Variants in GNG2 observed in about 807,000 individuals in gnomAD.
GNG2 encodes guanine nucleotide-binding protein G(I)/G(S)/G(O) subunit gamma-2.
A neutral mutation model predicts 5.5 loss-of-function variants in GNG2; 5 were observed. The observed-to-expected ratio is 0.91, with a 90% confidence interval of 0.48 to 1.92. The LOEUF is 1.92. Ranked by LOEUF, GNG2 falls within the 30% of genes most tolerant of loss-of-function variation. The pLI, the probability that GNG2 is intolerant of heterozygous loss-of-function variation, is 0.01. For missense variants in GNG2, 55 were observed against 88.4 expected (o/e 0.62, Z 1.52); for synonymous variants, 28 against 32.0 (o/e 0.88, Z 0.42).
intron 1 of GNG2, among the ~76,000 whole-genome samples, chr14:51,869,104 T>C (rs1186780841): frequency 6.6e-6 from 1 of 152,226 alleles, no homozygotes; most frequent in Non-Finnish European, 1.5e-5. Context: ...CACTAACTAA[T>C]TTGAATAAGT....
At chr14:51,884,002 G>A (rs963206891) in intron 2 of GNG2, among the ~76,000 whole-genome samples, 58 of 151,988 alleles carry the variant, frequency 3.8e-4, no homozygotes, top group African/African-American at 1.4e-3. Context: ...AAAAATAAAA[G>A]CGTTTTTTTC....
intron 2 of GNG2, among the ~76,000 whole-genome samples, chr14:51,942,536 A>G (rs1888376491): frequency 1.6e-5 from 2 of 124,692 alleles, no homozygotes; most frequent in African/African-American, 5.9e-5. Flanking sequence ...GAGTCCCATT[A>G]GAATTTCTGA....
chr14:51,898,752 C>G (rs979821224), intron 2 of GNG2, among the ~76,000 whole-genome samples: 1 of 152,194 alleles, frequency 6.6e-6, no homozygotes, highest in Admixed American at 6.5e-5. Context: ...TAGGGAAGAG[C>G]TTCCCGGCCA....
rs1890029414 is a variant in GNG2, at chr14:51,968,177, T to G, written c.*1490T>G. 6.6e-6 allele frequency: 1 copy of G among 152,194 alleles called. No individual in the cohort carries two copies. Among genetic ancestry groups the G allele is most frequent in the Non-Finnish European group, 1.5e-5 (1 of 68,034 alleles). 9.4% of individuals were successfully genotyped at this position (152,194 alleles called of 1,614,324 possible). On this transcript the variant is annotated 3_prime_UTR_variant, in exon 4 of 4. Coordinates refer to ENST00000556766, the MANE Select transcript of GNG2 (RefSeq NM_053064.5). Reference sequence around the variant, plus strand: ...AAGATATGGTAGTGAGAGTAATTTTTCATTGTAGCTGTAGTCTCCATCAGT... The same window carrying G: ...AAGATATGGTAGTGAGAGTAATTTTGCATTGTAGCTGTAGTCTCCATCAGT...
intron 2 of GNG2, among the ~76,000 whole-genome samples, chr14:51,889,177 A>G (rs1167083967): frequency 7.1e-6 from 1 of 141,574 alleles, no homozygotes; most frequent in East Asian, 2.1e-4. Context: ...CATTGGAGCG[A>G]TCTCTGCTCA....
chr14:51,893,536 A>G (rs1303063960), intron 2 of GNG2, among the ~76,000 whole-genome samples: 3 of 151,780 alleles, frequency 2.0e-5, no homozygotes, highest in African/African-American at 7.3e-5. Flanking sequence ...CCAGCCCATC[A>G]TTTGTCTGTT....
intron 2 of GNG2, among the ~76,000 whole-genome samples, chr14:51,884,343 T>G (rs914458378): frequency 2.6e-5 from 4 of 152,246 alleles, no homozygotes; most frequent in African/African-American, 9.6e-5. Flanking sequence ...TATGCGGAAC[T>G]TAAGTAATAA....
chr14:51,938,642 G>C (rs1888145805), intron 2 of GNG2, among the ~76,000 whole-genome samples: 2 of 152,178 alleles, frequency 1.3e-5, no homozygotes, highest in East Asian at 3.8e-4. Context: ...ATTATACCTA[G>C]TGTCATTTGT....
chr14:51,871,719 G>T (rs1423214305), intron 1 of GNG2, among the ~76,000 whole-genome samples: 1 of 152,190 alleles, frequency 6.6e-6, no homozygotes, highest in Non-Finnish European at 1.5e-5. Context: ...AAATTCTGCA[G>T]AAGTGATTGT....
intron 2 of GNG2, among the ~76,000 whole-genome samples, chr14:51,936,515 C>CTTT (rs35156219): frequency 3.6e-5 from 5 of 140,792 alleles, no homozygotes; most frequent in Non-Finnish European, 3.1e-5. Context: ...GGCACACTAA[C>CTTT]TTTTTTTTTT....
chr14:51,922,868 A>G (rs1887096750), intron 2 of GNG2, among the ~76,000 whole-genome samples: 1 of 152,092 alleles, frequency 6.6e-6, no homozygotes, highest in Non-Finnish European at 1.5e-5. Context: ...TGCAACTGCA[A>G]ATTTCCAAGG....
intron 2 of GNG2, among the ~76,000 whole-genome samples, chr14:51,911,107 G>A (rs1047789676): frequency 6.6e-5 from 10 of 152,204 alleles, no homozygotes; most frequent in African/African-American, 2.4e-4. Context: ...TGAGAGGGGA[G>A]TGTGGTCAGG....
intron 3 of GNG2, among the ~76,000 whole-genome samples, chr14:51,951,547 T>C (rs1888976345): frequency 6.6e-6 from 1 of 152,240 alleles, no homozygotes; most frequent in African/African-American, 2.4e-5. Flanking sequence ...CCAAGAATTC[T>C]ATGAAATGCA....
chr14:51,918,610 T>C (rs1243437476), intron 2 of GNG2: 1 of 151,276 alleles, frequency 6.6e-6, no homozygotes, highest in African/African-American at 2.4e-5. Flanking sequence ...AAAAATAAAC[T>C]AACTTATATA....
chr14:51,921,813 A>C (rs546942630), intron 2 of GNG2, among the ~76,000 whole-genome samples: 8 of 152,246 alleles, frequency 5.3e-5, no homozygotes, highest in Non-Finnish European at 1.0e-4. Context: ...GATTTTTCAA[A>C]TTATGAAAAA....
intron 2 of GNG2, among the ~76,000 whole-genome samples, chr14:51,915,851 C>CAA (rs1886589073): frequency 6.6e-6 from 1 of 152,192 alleles, no homozygotes; most frequent in African/African-American, 2.4e-5. Flanking sequence ...TGTTCCCAGA[C>CAA]AAAGACACAC....
intron 2 of GNG2, among the ~76,000 whole-genome samples, chr14:51,893,072 G>A (rs763813387): frequency 6.6e-5 from 10 of 152,154 alleles, no homozygotes; most frequent in Non-Finnish European, 1.2e-4. Context: ...CTTGGTTGTG[G>A]TTGTGTTTCT....
intron 1 of GNG2, among the ~76,000 whole-genome samples, chr14:51,871,114 A>AT (rs892909142): frequency 8.5e-5 from 13 of 152,166 alleles, no homozygotes; most frequent in Non-Finnish European, 1.8e-4. Context: ...CCTCACTTTC[A>AT]TTTTAAAGGC....
At chr14:51,866,693 C>T (rs1375993760) in intron 1 of GNG2, among the ~76,000 whole-genome samples, 2 of 152,222 alleles carry the variant, frequency 1.3e-5, no homozygotes, top group African/African-American at 2.4e-5. Context: ...AAGGGGCCAG[C>T]TGGCTCTCTC....
Sources: allele counts gnomAD v4.1 joint callset (sites outside exome capture counted in the v4.1 genomes callset), GRCh38; gene constraint gnomAD v4.1.1; transcripts MANE v1.5; gene names NCBI Gene and HGNC (gene_info 2026-07-23, HGNC 2026-07-21).